CACNB4: variants seen among roughly 807,000 people sequenced by gnomAD.
CACNB4 encodes the protein voltage-dependent L-type calcium channel subunit beta-4.
Under a neutral mutation model 71.2 loss-of-function variants are expected in CACNB4, and 32 were observed. The observed-to-expected ratio is 0.45, with a 90% confidence interval of 0.34 to 0.60. CACNB4 has a LOEUF of 0.60. CACNB4 is among the 20% of genes least tolerant of loss of function. The pLI, the probability that CACNB4 is intolerant of heterozygous loss-of-function variation, is 0.01. For synonymous variants in CACNB4, 231 were observed against 236.9 expected, an observed-to-expected ratio of 0.97 and a Z score of 0.23; for missense variants, 464 against 647.9, an observed-to-expected ratio of 0.72 and a Z score of 3.08.
At chr2:152,074,490 T>C (rs1159146097) in intron 2 of CACNB4, among the ~76,000 whole-genome samples, 1 of 147,982 alleles carries the variant, frequency 6.8e-6, no homozygotes, top group East Asian at 2.0e-4. Context: ...CCCACCCTCC[T>C]CTCCGCCATC....
chr2:152,071,100 A>C (rs903838511), intron 2 of CACNB4, among the ~76,000 whole-genome samples: 14 of 152,240 alleles, frequency 9.2e-5, no homozygotes, highest in Non-Finnish European at 1.2e-4. Context: ...CACAGTTGCT[A>C]TATATCACAA....
intron 2 of CACNB4, among the ~76,000 whole-genome samples, chr2:152,032,005 A>G (rs1339269689): frequency 6.6e-6 from 1 of 152,174 alleles, no homozygotes; most frequent in African/African-American, 2.4e-5. Context: ...CTCATTTCAT[A>G]TTCAGGCAAG....
chr2:151,968,035 C>G (rs1328053133), intron 2 of CACNB4: 1 of 152,154 alleles, frequency 6.6e-6, no homozygotes, highest in Non-Finnish European at 1.5e-5. Flanking sequence ...TTTGGCATAC[C>G]AATACATGCT....
At chr2:151,913,513 C>T (rs187603742) in intron 2 of CACNB4, among the ~76,000 whole-genome samples, 93 of 152,130 alleles carry the variant, frequency 6.1e-4, no homozygotes, top group Non-Finnish European at 1.1e-3. Flanking sequence ...CGCCTGTAAT[C>T]CCAGGACTTT....
intron 2 of CACNB4, among the ~76,000 whole-genome samples, chr2:151,957,257 C>CGTGTGTGTGTGTGTGTGTGTGTGT (rs1553791572): frequency 3.0e-5 from 4 of 131,788 alleles, no homozygotes; most frequent in African/African-American, 1.1e-4. Flanking sequence ...AGTGGCTGGG[C>CGTGTGTGTGTGTGTGTGTGTGTGT]GTGTGTGTGT....
At chr2:152,015,105 C>T (rs1683270184) in intron 2 of CACNB4, among the ~76,000 whole-genome samples, 1 of 152,146 alleles carries the variant, frequency 6.6e-6, no homozygotes, top group South Asian at 2.1e-4. Flanking sequence ...TGTGATTCCA[C>T]CATTACTCCC....
intron 2 of CACNB4, among the ~76,000 whole-genome samples, chr2:152,032,490 T>C: frequency 6.6e-6 from 1 of 152,248 alleles, no homozygotes; most frequent in Admixed American, 6.5e-5. Context: ...AAGCCACAAT[T>C]AATTACAAAT....
At chr2:151,898,821 A>G (rs905598559) in intron 2 of CACNB4, among the ~76,000 whole-genome samples, 5 of 152,222 alleles carry the variant, frequency 3.3e-5, no homozygotes, top group Non-Finnish European at 7.3e-5. Context: ...CAAATGTTTG[A>G]GTAACATAGA....
chr2:152,013,275 A>G (rs942506572), intron 2 of CACNB4, among the ~76,000 whole-genome samples: 16 of 152,224 alleles, frequency 1.1e-4, no homozygotes, highest in Non-Finnish European at 2.2e-4. Flanking sequence ...GTTTTATCAC[A>G]TAACTCATTT....
intron 2 of CACNB4, among the ~76,000 whole-genome samples, chr2:151,983,475 G>C (rs988286263): frequency 2.0e-5 from 3 of 152,136 alleles, no homozygotes; most frequent in Non-Finnish European, 4.4e-5. Flanking sequence ...CCAATTCTCA[G>C]AAGTGATTCT....
In CACNB4 at chr2:152,071,641, T is replaced by A. The variant is rs374338607; in HGVS notation, c.147+26689A>T. Among the ~76,000 whole-genome samples the A allele has an allele frequency of 9.2e-5, 14 of 152,362 alleles. No individual in the cohort carries two copies. The East Asian group carries it at 2.3e-3, about 25-fold the overall frequency. ...TTTGGTTTTTAAAAACTGCTCCAGA[T>A]GTTTATTGCAGGTTTTTATAAAAAT... is the stretch of plus-strand genomic sequence containing the variant. On this transcript the variant is annotated intron_variant, in intron 2 of 13. Transcript: ENST00000539935.
At chr2:152,003,838 A>G (rs1335136977) in intron 2 of CACNB4, among the ~76,000 whole-genome samples, 1 of 152,082 alleles carries the variant, frequency 6.6e-6, no homozygotes. Flanking sequence ...TTAATAAAAA[A>G]AAAAACCTTA....
rs1248032315 is a variant in CACNB4, at chr2:152,043,630, T to C, written c.147+54700A>G. 3.3e-5 allele frequency among the ~76,000 whole-genome samples: 5 copies of C among 152,206 alleles called. No homozygotes were observed. In the East Asian group the frequency reaches 9.6e-4, roughly 29 times the overall value. ...CCACCGTGCTTGTCCCAGTTTTTTT[T>C]ACCTTCACACTTAAAGTGAGAGGGA... On this transcript the variant is annotated intron_variant, in intron 2 of 13. Coordinates refer to ENST00000539935, the MANE Select transcript of CACNB4 (RefSeq NM_000726.5).
intron 2 of CACNB4, among the ~76,000 whole-genome samples, chr2:152,024,809 A>G (rs1355259382): frequency 1.3e-5 from 2 of 152,134 alleles, no homozygotes; most frequent in Non-Finnish European, 2.9e-5. Flanking sequence ...TAATCCTAGC[A>G]CTTTGGGAAG....
intron 2 of CACNB4, among the ~76,000 whole-genome samples, chr2:151,999,785 T>C (rs961157546): frequency 6.7e-6 from 1 of 149,764 alleles, no homozygotes; most frequent in African/African-American, 2.5e-5. Context: ...AACTAGTACT[T>C]TGCAATCTAC....
chr2:151,878,630 A>AGCTAGTGTAGTGTG lies in CACNB4; in HGVS notation c.391-2075_391-2074insCACACTACACTAGC. Among the ~76,000 whole-genome samples, 3 of 18,742 alleles carry AGCTAGTGTAGTGTG rather than the reference A, an allele frequency of 1.6e-4. No homozygotes were observed. The Middle Eastern group carries it at 0.1, about 625-fold the overall frequency. The allele number at this position is 18,742 out of a possible 152,430, so 12.3% of individuals were successfully genotyped here. A position where few individuals can be genotyped will look rare whatever the true frequency, so the allele number is the denominator to read the frequency against. On this transcript the variant is annotated intron_variant, in intron 4 of 13. Transcript: ENST00000539935. The stretch of plus-strand genomic sequence containing the variant: ...CTGTAGTCCTAGTGTACTACACAAT[A>AGCTAGTGTAGTGTG]CTACACCATTAGCTAGCTATACAAT...
chr2:151,934,905 ATT>A (rs1237830166), intron 2 of CACNB4, among the ~76,000 whole-genome samples: 1 of 152,260 alleles, frequency 6.6e-6, no homozygotes, highest in African/African-American at 2.4e-5. Flanking sequence ...AATAATATGC[ATT>A]GATTAACTGT....
intron 2 of CACNB4, among the ~76,000 whole-genome samples, chr2:151,924,007 T>C (rs1254552709): frequency 6.6e-6 from 1 of 151,374 alleles, no homozygotes; most frequent in Admixed American, 6.6e-5. Context: ...ATACATTATA[T>C]ACCTACATAG....
At chr2:151,921,344 G>T (rs866145677) in intron 2 of CACNB4, among the ~76,000 whole-genome samples, 4 of 151,902 alleles carry the variant, frequency 2.6e-5, no homozygotes, top group African/African-American at 9.6e-5. Context: ...AAAACAACAT[G>T]AACGACAGCA....
Sources: gnomAD v4.1 joint callset for allele counts (sites outside exome capture counted in the v4.1 genomes callset) on GRCh38, gnomAD v4.1.1 for gene constraint, MANE v1.5 for transcripts, NCBI Gene and HGNC (gene_info 2026-07-23, HGNC 2026-07-21) for gene names.